The following MYO1D variants were observed in gnomAD, a reference collection of about 807,000 sequenced individuals.
The protein encoded by MYO1D is myosin ID, also known as unconventional myosin-Id.
In MYO1D, 83 loss-of-function variants were observed where a neutral mutation model predicts 122.0. The ratio of observed to expected loss-of-function variants is 0.68; its 90% CI spans 0.57 to 0.82. The LOEUF (loss-of-function observed/expected upper bound fraction) is 0.82, where lower values mean the gene tolerates loss of function less well. Ranked by LOEUF, MYO1D falls within the 40% of genes least tolerant of loss-of-function variation. MYO1D has a pLI of 0.00. For synonymous variants in MYO1D, 464 were observed against 446.9 expected (o/e 1.04, Z -0.48); for missense variants, 1,157 against 1,269.5 (o/e 0.91, Z 1.35).
rs114895136 is a variant in MYO1D at position 32,624,760 on chromosome 17, C to A, written c.2709+13962G>T. On this transcript the variant is annotated intron_variant, in intron 20 of 21. Coordinates refer to ENST00000318217, the MANE Select transcript of MYO1D (RefSeq NM_015194.3). ...CCCCTAAAAGAAATGAAGATATTTT[C>A]TTTTTCTTGTTTTCCTTTTTTGTAT... Among the ~76,000 whole-genome samples, 596 of 150,768 alleles carry A rather than the reference C, an allele frequency of 4.0e-3. 4 individuals carry two copies. Among genetic ancestry groups the A allele is most frequent in the African/African-American group, 0.014 (578 of 41,178 alleles).
At chr17:32,753,964 T>C (rs1244817628) in intron 11 of MYO1D, among the ~76,000 whole-genome samples, 1 of 151,962 alleles carries the variant, frequency 6.6e-6, no homozygotes, top group African/African-American at 2.4e-5. Flanking sequence ...TTAATTCAGG[T>C]ATATAAATGG....
chr17:32,788,821 A>C (rs1358539137), intron 1 of MYO1D, among the ~76,000 whole-genome samples: 1 of 152,166 alleles, frequency 6.6e-6, no homozygotes, highest in Non-Finnish European at 1.5e-5. Context: ...AATTGCATTA[A>C]ATCTATAGAT....
chr17:32,649,889 A>G (rs1254586708), intron 19 of MYO1D, among the ~76,000 whole-genome samples: 1 of 152,128 alleles, frequency 6.6e-6, no homozygotes, highest in East Asian at 1.9e-4. Context: ...CATTTTCTTA[A>G]TTCATTCATC....
intron 20 of MYO1D, among the ~76,000 whole-genome samples, chr17:32,612,429 C>T (rs1042436080): frequency 6.6e-6 from 1 of 151,980 alleles, no homozygotes; most frequent in East Asian, 1.9e-4. Context: ...GCTCAAGCCT[C>T]TAATCCCAGC....
At chr17:32,655,644 G>C (rs1257203908) in intron 17 of MYO1D, among the ~76,000 whole-genome samples, 2 of 152,210 alleles carry the variant, frequency 1.3e-5, no homozygotes, top group Non-Finnish European at 2.9e-5. Flanking sequence ...CAGAGGAGCA[G>C]TGTAAGGAGC....
Position 32,771,617 on chromosome 17 carries a change from G to A in MYO1D, c.619-397C>T, listed in dbSNP as rs143928427. ...AGAAAAAGTCAATATTGCTACGGAA[G>A]TAAGAAACATCAGCAGACAGTCATA... On this transcript the variant is annotated intron_variant, in intron 5 of 21. Transcript: ENST00000318217. Among the ~76,000 whole-genome samples, 450 of 152,310 alleles carry A rather than the reference G, an allele frequency of 3.0e-3. 4 individuals are homozygous for A. The highest frequency in any genetic ancestry group is 0.011 in the African/African-American group (437 of 41,566).
chr17:32,594,267 T>C, intron 21 of MYO1D: 1 of 298,206 alleles, frequency 3.4e-6, no homozygotes. Context: ...ACCCTTATTT[T>C]GTATATTGCT....
At chr17:32,848,958 T>C (rs2090961569) in intron 1 of MYO1D, among the ~76,000 whole-genome samples, 1 of 152,178 alleles carries the variant, frequency 6.6e-6, no homozygotes, top group African/African-American at 2.4e-5. Flanking sequence ...CATAAACATA[T>C]ATTATTAAGT....
At chr17:32,806,751 T>G (rs2430984) in intron 1 of MYO1D, among the ~76,000 whole-genome samples, 62,102 of 152,020 alleles carry the variant, frequency 0.41, 12,994 homozygotes, top group East Asian at 0.53. Flanking sequence ...TCTGTTACTA[T>G]GTTTTTATAG....
At chr17:32,515,023 A>C (rs1170491156) in intron 21 of MYO1D, among the ~76,000 whole-genome samples, 1 of 152,190 alleles carries the variant, frequency 6.6e-6, no homozygotes, top group Non-Finnish European at 1.5e-5. Flanking sequence ...TTTTCTAGAG[A>C]GTTAAAGGAG....
At chr17:32,641,423 T>A (rs1296717227) in intron 19 of MYO1D, among the ~76,000 whole-genome samples, 1 of 152,202 alleles carries the variant, frequency 6.6e-6, no homozygotes, top group Admixed American at 6.5e-5. Flanking sequence ...TATAGCAGCA[T>A]GATTTATAAT....
chr17:32,795,347 T>G (rs1409919207), intron 1 of MYO1D, among the ~76,000 whole-genome samples: 1 of 151,838 alleles, frequency 6.6e-6, no homozygotes, highest in African/African-American at 2.4e-5. Context: ...GAACACATAC[T>G]TCATTGCCCC....
intron 21 of MYO1D, among the ~76,000 whole-genome samples, chr17:32,574,891 A>G (rs2087264882): frequency 6.6e-6 from 1 of 152,212 alleles, no homozygotes; most frequent in Admixed American, 6.5e-5. Flanking sequence ...TGCTAGCTGT[A>G]TGACCCTGGA....
chr17:32,566,199 A>G (rs1010112621), intron 21 of MYO1D, among the ~76,000 whole-genome samples: 106 of 152,090 alleles, frequency 7.0e-4, no homozygotes, highest in African/African-American at 2.5e-3. Flanking sequence ...TTAAATAAAA[A>G]AAAAGTATAC....
At chr17:32,717,316 C>A (rs890003342) in intron 15 of MYO1D, among the ~76,000 whole-genome samples, 4 of 152,166 alleles carry the variant, frequency 2.6e-5, no homozygotes, top group Admixed American at 1.3e-4. Flanking sequence ...ATAAATAGGA[C>A]AAAATCTTTA....
intron 16 of MYO1D, 27 bp downstream of exon 16, chr17:32,711,961 A>C: frequency 6.4e-7 from 1 of 1,550,404 alleles, no homozygotes; most frequent in Non-Finnish European, 8.8e-7. Context: ...GCAAAATCTT[A>C]TCCTTATATA....
intron 1 of MYO1D, among the ~76,000 whole-genome samples, chr17:32,871,257 T>C (rs2091176864): frequency 6.6e-6 from 1 of 152,154 alleles, no homozygotes. Context: ...TTTTTGGTTG[T>C]CATAAATGAA....
intron 15 of MYO1D, among the ~76,000 whole-genome samples, chr17:32,717,971 C>T (rs915689158): frequency 6.6e-5 from 10 of 152,140 alleles, no homozygotes; most frequent in Non-Finnish European, 1.2e-4. Flanking sequence ...CCTTCTGTTA[C>T]ATGGGTTTTG....
chr17:32,580,737 T>C (rs2087330657), intron 21 of MYO1D, among the ~76,000 whole-genome samples: 1 of 152,192 alleles, frequency 6.6e-6, no homozygotes, highest in Non-Finnish European at 1.5e-5. Flanking sequence ...TATTGATTAT[T>C]GGATGTTAAA....
Sources: gnomAD v4.1 joint callset for allele counts (sites outside exome capture counted in the v4.1 genomes callset) on GRCh38, gnomAD v4.1.1 for gene constraint, MANE v1.5 for transcripts, NCBI Gene and HGNC (gene_info 2026-07-23, HGNC 2026-07-21) for gene names.